TEX11: variants seen among roughly 807,000 people sequenced by gnomAD.
TEX11 encodes the protein testis expressed 11.
In TEX11, 7 loss-of-function variants were observed where a neutral mutation model predicts 84.4. The observed-to-expected ratio is 0.08, with a 90% CI of 0.05 to 0.16. TEX11 has a LOEUF of 0.16. Ranked by LOEUF, TEX11 falls within the 10% of genes least tolerant of loss-of-function variation. The probability of loss-of-function intolerance (pLI) is 1.00; values close to 1 mark genes in which losing one functional copy is unlikely to be tolerated. For synonymous variants in TEX11, 264 were observed against 222.8 expected (o/e 1.18, Z -1.64); for missense variants, 551 against 660.5 (o/e 0.83, Z 1.82).
intron 27 of TEX11, 86 bp from the exon 28 acceptor site, chrX:70,552,332 CCAGACTAACAGCTT>C: frequency 9.3e-7 from 1 of 1,073,065 alleles, no homozygotes; most frequent in Non-Finnish European, 1.2e-6. Flanking sequence ...GGATCTCATC[CCAGACTAACAGCTT>C]CAAAACACTT....
At chrX:70,828,685 T>A (rs1409547990) in intron 8 of TEX11, among the ~76,000 whole-genome samples, 1 of 110,589 alleles carries the variant, frequency 9.0e-6, no homozygotes, top group African/African-American at 3.3e-5. Context: ...TTCGAAGAGA[T>A]AATATCAGAG....
At chrX:70,711,002 T>C (rs1367277968) in intron 13 of TEX11, among the ~76,000 whole-genome samples, 2 of 107,933 alleles carry the variant, frequency 1.9e-5, no homozygotes. Flanking sequence ...TGTGTTCTCA[T>C]TGTTCAATTC....
At chrX:70,742,747 G>A (rs748319331) in intron 10 of TEX11, among the ~76,000 whole-genome samples, 4 of 110,050 alleles carry the variant, frequency 3.6e-5, no homozygotes, top group Non-Finnish European at 5.7e-5. Flanking sequence ...TTTGGAGATG[G>A]AGTCTTACTA....
intron 8 of TEX11, among the ~76,000 whole-genome samples, chrX:70,820,760 A>G (rs2091314351): frequency 9.0e-6 from 1 of 111,609 alleles, no homozygotes; most frequent in Non-Finnish European, 1.9e-5. Context: ...GCACCAAGCT[A>G]TTCATAAGGG....
chrX:70,525,640 G>A (rs1272299805), downstream of TEX11, among the ~76,000 whole-genome samples: 2 of 110,535 alleles, frequency 1.8e-5, no homozygotes, highest in African/African-American at 3.3e-5. Context: ...ATTATACAAT[G>A]GTGAGGAAAA....
At chrX:70,890,141 C>G (rs1349428879) in intron 2 of TEX11, among the ~76,000 whole-genome samples, 3 of 111,234 alleles carry the variant, frequency 2.7e-5, no homozygotes, top group Non-Finnish European at 3.8e-5. Flanking sequence ...ATACTTATGT[C>G]AGAAAAAACA....
At chrX:70,819,508 C>T (rs2091307497) in intron 8 of TEX11, among the ~76,000 whole-genome samples, 1 of 110,843 alleles carries the variant, frequency 9.0e-6, no homozygotes, top group Non-Finnish European at 1.9e-5. Context: ...AAAGCTTTTC[C>T]TCCACGATCT....
At chrX:70,767,315 A>G (rs2090946868) in intron 9 of TEX11, among the ~76,000 whole-genome samples, 1 of 112,088 alleles carries the variant, frequency 8.9e-6, no homozygotes. Flanking sequence ...CGATTTAGAC[A>G]TTTCTCACAG....
intron 16 of TEX11, among the ~76,000 whole-genome samples, chrX:70,667,291 G>T (rs761789547): frequency 8.9e-6 from 1 of 111,743 alleles, no homozygotes; most frequent in Non-Finnish European, 1.9e-5. Context: ...ATTTACTGTG[G>T]TTCTTTACAG....
At chrX:70,569,873 G>A (rs1177994917) in intron 25 of TEX11, among the ~76,000 whole-genome samples, 2 of 111,931 alleles carry the variant, frequency 1.8e-5, no homozygotes, top group African/African-American at 6.5e-5. Context: ...ACCCACTTGA[G>A]GAGGCAGTCT....
intron 20 of TEX11, among the ~76,000 whole-genome samples, chrX:70,621,542 AAAAAAAAAAATATATATAT>A (rs2089388650): frequency 1.6e-4 from 6 of 36,465 alleles, no homozygotes; most frequent in South Asian, 2.7e-3. Flanking sequence ...AAAAAAAAAA[AAAAAAAAAAATATATATAT>A]ATATATATAT....
chrX:70,553,474 T>C (rs1203425154), intron 26 of TEX11, 60 bp from the exon 27 acceptor site: 7 of 792,700 alleles, frequency 8.8e-6, no homozygotes, highest in Non-Finnish European at 1.1e-5. Context: ...ACAGTTTTCA[T>C]CCCAGGCTAC....
chrX:70,766,282 CGT>C (rs2090939729), intron 9 of TEX11, among the ~76,000 whole-genome samples: 1 of 109,831 alleles, frequency 9.1e-6, no homozygotes, highest in Non-Finnish European at 1.9e-5. Context: ...CATGGTGGTG[CGT>C]GCCTGTAATC....
intron 8 of TEX11, among the ~76,000 whole-genome samples, chrX:70,808,466 G>T (rs764710269): frequency 9.3e-6 from 1 of 108,021 alleles, no homozygotes; most frequent in Admixed American, 1.0e-4. Flanking sequence ...TCATGCCACC[G>T]CACTCCAGCC....
intron 17 of TEX11, among the ~76,000 whole-genome samples, chrX:70,636,366 C>G (rs2089573380): frequency 9.0e-6 from 1 of 111,068 alleles, no homozygotes; most frequent in African/African-American, 3.3e-5. Flanking sequence ...ACCCAGGGTC[C>G]AGGCCTGCTG....
intron 7 of TEX11, among the ~76,000 whole-genome samples, chrX:70,837,140 C>CTG (rs2091410233): frequency 8.9e-6 from 1 of 112,078 alleles, no homozygotes; most frequent in Non-Finnish European, 1.9e-5. Context: ...ACACAAAAAC[C>CTG]TGTATGGAAA....
intron 9 of TEX11, among the ~76,000 whole-genome samples, chrX:70,745,838 G>T (rs962812245): frequency 8.9e-6 from 1 of 111,960 alleles, no homozygotes; most frequent in Admixed American, 9.5e-5. Flanking sequence ...CTTAGTCATT[G>T]TAAGCCCTAT....
At chrX:70,761,206 T>A (rs1250392372) in intron 9 of TEX11, among the ~76,000 whole-genome samples, 1 of 111,797 alleles carries the variant, frequency 8.9e-6, no homozygotes, top group Non-Finnish European at 1.9e-5. Flanking sequence ...GTGTGGCGAT[T>A]CCTCAAGGAT....
At chrX:70,864,365 A>G (rs190753517) in intron 4 of TEX11, among the ~76,000 whole-genome samples, 43 of 111,358 alleles carry the variant, frequency 3.9e-4, no homozygotes, top group African/African-American at 1.1e-3. Flanking sequence ...AGGGAAGCCC[A>G]TCAGAATAAC....
Sources: allele counts gnomAD v4.1 joint callset (sites outside exome capture counted in the v4.1 genomes callset), GRCh38; gene constraint gnomAD v4.1.1; transcripts MANE v1.5; gene names NCBI Gene and HGNC (gene_info 2026-07-23, HGNC 2026-07-21).